The following PPP1R12B variants were observed in gnomAD, a reference collection of about 807,000 sequenced individuals.
PPP1R12B encodes the protein protein phosphatase 1 regulatory subunit 12B, also known as myosin phosphatase target subunit 2.
Under a neutral mutation model 126.1 loss-of-function variants are expected in PPP1R12B, and 76 were observed. That is an observed-to-expected ratio of 0.60 (90% confidence interval 0.50 to 0.73). The LOEUF (loss-of-function observed/expected upper bound fraction) is 0.73, where lower values mean the gene tolerates loss of function less well. Among genes scored for constraint, PPP1R12B ranks in the 30% least tolerant of loss-of-function variants. The pLI is 0.00. For synonymous variants in PPP1R12B, 356 were observed against 434.7 expected (o/e 0.82, Z 2.25); for missense variants, 1,052 against 1,205.1 (o/e 0.87, Z 1.88).
chr1:202,365,918 A>T (rs1234227706), intron 1 of PPP1R12B, among the ~76,000 whole-genome samples: 1 of 151,964 alleles, frequency 6.6e-6, no homozygotes, highest in Admixed American at 6.6e-5. Context: ...TGAGCCTGGG[A>T]GTTTCGGGCT....
At chr1:202,459,690 T>C (rs1412835391) in intron 13 of PPP1R12B, among the ~76,000 whole-genome samples, 1 of 152,198 alleles carries the variant, frequency 6.6e-6, no homozygotes, top group Non-Finnish European at 1.5e-5. Flanking sequence ...AGAGGCACAG[T>C]AGAGACCATC....
At position 202,416,899 on chromosome 1, in the gene PPP1R12B, G is replaced by A. The variant is rs1196331749; in HGVS notation, c.404G>A (p.Gly135Asp). The change falls in exon 2 of 24, where the codon GGC becomes GAC. Residue 135 changes from glycine to aspartate, a missense_variant. By Grantham distance (94) the Gly-to-Asp change is moderately conservative. Coordinates refer to ENST00000608999, the MANE Select transcript of PPP1R12B (RefSeq NM_002481.4). ...CCCCTTCATGCAGCAGCTTCCTGTG[G>A]CTATCTCAACATAGCAGAGTGAGTG... The part of the protein sequence containing the change: ...WTPLHAAASC[G>D]YLNIAEYFIN... The A allele has an allele frequency of 1.9e-6, 3 of 1,613,898 alleles. No homozygotes were observed. Among genetic ancestry groups the A allele is most frequent in the Non-Finnish European group, 2.5e-6 (3 of 1,179,846 alleles).
chr1:202,467,511 G>C (rs1364278650), intron 13 of PPP1R12B, among the ~76,000 whole-genome samples: 2 of 152,090 alleles, frequency 1.3e-5, no homozygotes, highest in African/African-American at 4.8e-5. Flanking sequence ...TGCTGAGAAT[G>C]ATGATTTCCA....
At chr1:202,567,010 G>A (rs1688110270) in intron 21 of PPP1R12B, among the ~76,000 whole-genome samples, 1 of 152,142 alleles carries the variant, frequency 6.6e-6, no homozygotes, top group Non-Finnish European at 1.5e-5. Flanking sequence ...TTTAAGGAAG[G>A]GCCATTATCT....
intron 1 of PPP1R12B, among the ~76,000 whole-genome samples, chr1:202,350,513 A>G (rs559701960): frequency 2.6e-5 from 4 of 152,370 alleles, no homozygotes; most frequent in African/African-American, 7.2e-5. Flanking sequence ...ATCTCACTTA[A>G]TAAGGAGCTG....
Position 202,591,431 on chromosome 1 carries a change from G to A in PPP1R12B, c.*10871G>A, listed in dbSNP as rs1690113730. Reference sequence around the variant, plus strand: ...CCTGTCCCTCTCAGTTCAACAGGATGACCTGGGGCCTTGGAAGCCCCCAGG... The same window carrying A: ...CCTGTCCCTCTCAGTTCAACAGGATAACCTGGGGCCTTGGAAGCCCCCAGG... On this transcript the variant is annotated 3_prime_UTR_variant, in exon 24 of 24. Coordinates refer to ENST00000608999, the MANE Select transcript of PPP1R12B (RefSeq NM_002481.4). 1 of 152,438 alleles carries A rather than the reference G, an allele frequency of 6.6e-6. No homozygotes were observed. Among genetic ancestry groups the A allele is most frequent in the Admixed American group, 6.5e-5 (1 of 15,294 alleles). 9.4% of individuals were successfully genotyped at this position (152,438 alleles called of 1,614,324 possible).
intron 18 of PPP1R12B, among the ~76,000 whole-genome samples, chr1:202,554,566 A>G (rs1353812888): frequency 6.6e-6 from 1 of 152,092 alleles, no homozygotes; most frequent in African/African-American, 2.4e-5. Context: ...AGGATTCCAC[A>G]TAGCTCCAAA....
At chr1:202,524,940 C>T (rs145117435) in intron 18 of PPP1R12B, among the ~76,000 whole-genome samples, 43 of 152,226 alleles carry the variant, frequency 2.8e-4, no homozygotes, top group East Asian at 9.6e-4. Context: ...TGCGGTGACG[C>T]GATCTTGGCT....
At position 202,431,520 on chromosome 1, in the gene PPP1R12B, C is replaced by A. The variant is rs770167934; in HGVS notation, c.1042C>A (p.Gln348Lys). 6 of 1,612,512 alleles carry A rather than the reference C, an allele frequency of 3.7e-6. No individual in the cohort carries two copies. The highest frequency in any genetic ancestry group is 5.1e-6 in the Non-Finnish European group (6 of 1,179,416). ...MLYEEETPKS[Q>K]EMEEENKESS... ...CTATGAGGAGGAGACACCTAAGTCCCAAGAAATGGAGGAAGAAAATAAAGA... is the reference window on the plus strand; with the variant it reads ...CTATGAGGAGGAGACACCTAAGTCCAAAGAAATGGAGGAAGAAAATAAAGA... Residue 348 changes from glutamine to lysine, a missense_variant, in exon 8 of 24, where the codon CAA becomes AAA. Gln to Lys is a moderately conservative substitution (Grantham distance 53). Transcript: ENST00000608999.
intron 13 of PPP1R12B, among the ~76,000 whole-genome samples, chr1:202,449,749 C>T (rs1288495023): frequency 2.0e-4 from 31 of 151,946 alleles, no homozygotes; most frequent in Non-Finnish European, 3.5e-4. Context: ...TGCAGTGGCG[C>T]GATCTCAGCT....
intron 18 of PPP1R12B, among the ~76,000 whole-genome samples, chr1:202,531,985 A>G (rs1192885767): frequency 6.6e-6 from 1 of 152,052 alleles, no homozygotes; most frequent in African/African-American, 2.4e-5. Flanking sequence ...TAAAAGAATG[A>G]CTCCATAGAC....
Position 202,416,767 on chromosome 1 carries a change from G to A in PPP1R12B, c.292-20G>A, listed in dbSNP as rs1360337126. On this transcript the variant is annotated intron_variant, in intron 1 of 23. Coordinates refer to ENST00000608999, the MANE Select transcript of PPP1R12B (RefSeq NM_002481.4). Reference sequence around the variant, plus strand: ...CTCAATGAATACTTGTTGAATGAATGAATGGACTTTTCTTTTCAGGCATGT... The same window carrying A: ...CTCAATGAATACTTGTTGAATGAATAAATGGACTTTTCTTTTCAGGCATGT... 2 of 1,611,014 alleles carry A rather than the reference G, an allele frequency of 1.2e-6. No individual in the cohort carries two copies. Among genetic ancestry groups the A allele is most frequent in the Non-Finnish European group, 1.7e-6 (2 of 1,177,890 alleles).
chr1:202,503,084 G>A (rs1232365317), intron 18 of PPP1R12B, among the ~76,000 whole-genome samples: 1 of 152,180 alleles, frequency 6.6e-6, no homozygotes, highest in Admixed American at 6.5e-5. Context: ...ATTGGTGGAA[G>A]CAGGGACATC....
At chr1:202,572,270 C>T (rs1372811186) in intron 23 of PPP1R12B, among the ~76,000 whole-genome samples, 3 of 152,162 alleles carry the variant, frequency 2.0e-5, no homozygotes, top group Non-Finnish European at 4.4e-5. Context: ...TACAGATGCT[C>T]AAACCTCCTT....
chr1:202,493,215 T>C lies in PPP1R12B; in HGVS notation c.2043T>C (p.Thr681=). The C allele has an allele frequency of 6.2e-7, 1 of 1,612,892 alleles. No homozygotes were observed. The highest frequency in any genetic ancestry group is 8.5e-7 in the Non-Finnish European group (1 of 1,179,864). The part of the protein sequence containing the change: ...QEQPREKPTD[T]EGLEGSPEKH... ...AGCCTCGTGAGAAGCCCACAGACACTGAAGGGCTTGAGGGGAGCCCTGAGA... is the reference window on the plus strand; with the variant it reads ...AGCCTCGTGAGAAGCCCACAGACACCGAAGGGCTTGAGGGGAGCCCTGAGA... The change falls in exon 15 of 24, where the codon ACT becomes ACC. Residue 681 remains threonine, a synonymous_variant. Coordinates refer to ENST00000608999, the MANE Select transcript of PPP1R12B (RefSeq NM_002481.4).
Position 202,562,891 on chromosome 1 carries a change from TAGA to T in PPP1R12B, c.2628_2630del (p.Glu876del), listed in dbSNP as rs757766237. The T allele has an allele frequency of 4.4e-6, 7 of 1,593,906 alleles. No homozygotes were observed. The highest frequency in any genetic ancestry group is 2.7e-5 in the African/African-American group (2 of 73,406). The stretch of plus-strand genomic sequence containing the variant: ...CGCCTAGCCACCCTGACCAGCCGTG[TAGA>T]AGAAGACAGCAACAGAGATTATAAA... On this transcript the variant is annotated inframe_deletion, in exon 20 of 24. Coordinates refer to ENST00000608999, the MANE Select transcript of PPP1R12B (RefSeq NM_002481.4).
intron 18 of PPP1R12B, among the ~76,000 whole-genome samples, chr1:202,550,202 G>A (rs1189236493): frequency 6.6e-6 from 1 of 152,158 alleles, no homozygotes; most frequent in East Asian, 1.9e-4. Context: ...TGAAATGTGA[G>A]GTCTGGAGAG....
intron 1 of PPP1R12B, among the ~76,000 whole-genome samples, chr1:202,393,898 AAAAT>A (rs958821168): frequency 3.7e-4 from 57 of 152,272 alleles, no homozygotes; most frequent in African/African-American, 1.3e-3. Flanking sequence ...CTGTCTCTAA[AAAAT>A]AAATAAATAA....
intron 13 of PPP1R12B, chr1:202,472,052 T>A: frequency 6.3e-7 from 1 of 1,595,098 alleles, no homozygotes; most frequent in African/African-American, 1.3e-5. Flanking sequence ...GCACCAGGCG[T>A]TTCTTCTTGT....
Sources: gnomAD v4.1 joint callset for allele counts (sites outside exome capture counted in the v4.1 genomes callset) on GRCh38, gnomAD v4.1.1 for gene constraint, MANE v1.5 for transcripts, NCBI Gene and HGNC (gene_info 2026-07-23, HGNC 2026-07-21) for gene names.